Variants in CPNE4 observed in about 807,000 individuals in gnomAD.
CPNE4 encodes copine 4.
A neutral mutation model predicts 67.9 loss-of-function variants in CPNE4; 25 were observed. The observed-to-expected ratio is 0.37, with a 90% confidence interval of 0.27 to 0.51. The LOEUF (loss-of-function observed/expected upper bound fraction) is 0.51, where lower values mean the gene tolerates loss of function less well. CPNE4 is among the 20% of genes least tolerant of loss of function. The pLI is 0.93. For missense variants in CPNE4, 464 were observed against 690.8 expected (o/e 0.67, Z 3.68); for synonymous variants, 242 against 244.9 (o/e 0.99, Z 0.11).
At chr3:131,830,582 A>T (rs986224597) in intron 2 of CPNE4, among the ~76,000 whole-genome samples, 1 of 152,116 alleles carries the variant, frequency 6.6e-6, no homozygotes, top group Non-Finnish European at 1.5e-5. Flanking sequence ...CTTTGTCTTA[A>T]TGTCACCTTC....
intron 7 of CPNE4, among the ~76,000 whole-genome samples, chr3:131,658,093 T>C (rs2080025370): frequency 1.3e-5 from 2 of 152,126 alleles, no homozygotes; most frequent in Non-Finnish European, 2.9e-5. Flanking sequence ...TTGATAATTA[T>C]AGTTCTTGCC....
At chr3:131,549,120 T>G (rs1457194136) in intron 14 of CPNE4, among the ~76,000 whole-genome samples, 2 of 152,116 alleles carry the variant, frequency 1.3e-5, no homozygotes, top group Non-Finnish European at 2.9e-5. Context: ...TGTGCTCAAG[T>G]ACACAAAAGA....
At chr3:131,814,797 G>A (rs1316361969) in intron 2 of CPNE4, among the ~76,000 whole-genome samples, 1 of 138,652 alleles carries the variant, frequency 7.2e-6, no homozygotes, top group Non-Finnish European at 1.5e-5. Context: ...GTAGAGACGG[G>A]GTTTCACCGT....
At chr3:131,972,781 C>T (rs1255343765) in intron 1 of CPNE4, among the ~76,000 whole-genome samples, 1 of 152,148 alleles carries the variant, frequency 6.6e-6, no homozygotes, top group Non-Finnish European at 1.5e-5. Flanking sequence ...AGGCAAGCTA[C>T]TCATGTTTCT....
At chr3:131,776,051 T>A (rs574362848) in intron 2 of CPNE4, among the ~76,000 whole-genome samples, 1 of 152,270 alleles carries the variant, frequency 6.6e-6, no homozygotes, top group East Asian at 1.9e-4. Context: ...CCAGGTGTCC[T>A]CTTTCAGGCT....
Position 131,534,260 on chromosome 3 carries a change from A to G in CPNE4, c.*935T>C, listed in dbSNP as rs963328841. 3.3e-5 allele frequency: 5 copies of G among 152,188 alleles called. No homozygotes were observed. Among genetic ancestry groups the G allele is most frequent in the Non-Finnish European group, 7.3e-5 (5 of 68,030 alleles). 9.4% of individuals were successfully genotyped at this position (152,188 alleles called of 1,614,324 possible). On this transcript the variant is annotated 3_prime_UTR_variant, in exon 16 of 16. Transcript: ENST00000429747. ...GAAGAGGTGTGAGTATAAAGCAGCG[A>G]GACTGATTTGAGGTGTGCAGCTTCT...
intron 8 of CPNE4, among the ~76,000 whole-genome samples, chr3:131,582,074 G>A (rs180831070): frequency 2.0e-5 from 3 of 152,316 alleles, no homozygotes; most frequent in East Asian, 3.9e-4. Context: ...AAGCAGTACA[G>A]GGAAGAAGAA....
intron 1 of CPNE4, among the ~76,000 whole-genome samples, chr3:131,913,189 G>C (rs2089048369): frequency 1.3e-5 from 2 of 152,216 alleles, no homozygotes; most frequent in South Asian, 2.1e-4. Flanking sequence ...TTGTCACACT[G>C]TCTCTCTAAA....
intron 1 of CPNE4, among the ~76,000 whole-genome samples, chr3:131,973,458 G>A (rs2072556437): frequency 6.6e-6 from 1 of 152,138 alleles, no homozygotes; most frequent in Admixed American, 6.5e-5. Context: ...TATGGATCAG[G>A]CATGATTCTA....
At chr3:131,629,320 TGAC>T (rs2079161611) in intron 7 of CPNE4, among the ~76,000 whole-genome samples, 1 of 152,156 alleles carries the variant, frequency 6.6e-6, no homozygotes, top group South Asian at 2.1e-4. Context: ...AAAAAGATTA[TGAC>T]TCACTGAAGG....
At chr3:131,803,413 G>T (rs1251990909) in intron 2 of CPNE4, among the ~76,000 whole-genome samples, 5 of 152,142 alleles carry the variant, frequency 3.3e-5, no homozygotes, top group African/African-American at 4.8e-5. Context: ...AAAGCAAAAG[G>T]AAGTTTTGCT....
At chr3:131,708,957 G>GTTATATATATATATATATAT (rs2081484223) in intron 3 of CPNE4, among the ~76,000 whole-genome samples, 1 of 65,800 alleles carries the variant, frequency 1.5e-5, no homozygotes, top group Non-Finnish European at 3.2e-5. Flanking sequence ...AGGGCATAAA[G>GTTATATATATATATATATAT]ATATATATAT....
At chr3:131,593,163 T>C (rs1345438118) in intron 7 of CPNE4, among the ~76,000 whole-genome samples, 4 of 152,222 alleles carry the variant, frequency 2.6e-5, no homozygotes, top group African/African-American at 9.6e-5. Flanking sequence ...TGTGGTTCCA[T>C]ATGAATTTTA....
At chr3:131,813,880 AGATTTGGGG>A (rs2084630140) in intron 2 of CPNE4, among the ~76,000 whole-genome samples, 1 of 152,146 alleles carries the variant, frequency 6.6e-6, no homozygotes, top group African/African-American at 2.4e-5. Flanking sequence ...CTTGTGTTGA[AGATTTGGGG>A]GATACCTAGT....
chr3:131,729,052 T>C (rs2082069975), intron 2 of CPNE4, among the ~76,000 whole-genome samples: 2 of 152,082 alleles, frequency 1.3e-5, no homozygotes, highest in Admixed American at 1.3e-4. Context: ...AGGTGAGAGC[T>C]AAATCGTGTG....
chr3:131,665,435 G>C (rs532673929), intron 7 of CPNE4, among the ~76,000 whole-genome samples: 4 of 152,276 alleles, frequency 2.6e-5, no homozygotes, highest in Non-Finnish European at 5.9e-5. Context: ...ATGGTGGGCA[G>C]ATCACTTGAG....
chr3:131,951,710 G>A (rs1057181279), intron 1 of CPNE4, among the ~76,000 whole-genome samples: 16 of 152,320 alleles, frequency 1.1e-4, no homozygotes, highest in African/African-American at 3.4e-4. Context: ...CTGCAAGCGC[G>A]TGCCGCCACG....
intron 1 of CPNE4, among the ~76,000 whole-genome samples, chr3:132,013,290 C>T (rs866519487): frequency 1.3e-5 from 2 of 152,198 alleles, no homozygotes; most frequent in Non-Finnish European, 2.9e-5. Flanking sequence ...TTGAGTTAAA[C>T]CTGAATAACC....
At chr3:131,555,189 T>C (rs1936395827) in intron 12 of CPNE4, among the ~76,000 whole-genome samples, 1 of 151,980 alleles carries the variant, frequency 6.6e-6, no homozygotes, top group Non-Finnish European at 1.5e-5. Context: ...AGTGAATAGG[T>C]TCTGAGCCCC....
Sources: allele counts gnomAD v4.1 joint callset (sites outside exome capture counted in the v4.1 genomes callset), GRCh38; gene constraint gnomAD v4.1.1; transcripts MANE v1.5; gene names NCBI Gene and HGNC (gene_info 2026-07-23, HGNC 2026-07-21).